RIMS2: variants seen among roughly 807,000 people sequenced by gnomAD.
RIMS2 encodes regulating synaptic membrane exocytosis protein 2.
RIMS2 carries 59 observed loss-of-function variants against 174.4 expected under a neutral mutation model. The observed-to-expected ratio is 0.34, with a 90% CI of 0.27 to 0.42. The LOEUF is 0.42. RIMS2 is among the 10% of genes least tolerant of loss of function. The probability of loss-of-function intolerance (pLI) is 1.00; values close to 1 mark genes in which losing one functional copy is unlikely to be tolerated. For missense variants in RIMS2, 1,620 were observed against 1,666.3 expected (o/e 0.97, Z 0.48); for synonymous variants, 606 against 572.5 (o/e 1.06, Z -0.84).
intron 3 of RIMS2, among the ~76,000 whole-genome samples, chr8:103,867,403 T>C (rs546710045): frequency 6.6e-6 from 1 of 151,794 alleles, no homozygotes; most frequent in Admixed American, 6.6e-5. Flanking sequence ...AAATCTATTC[T>C]GAAAACATAA....
intron 4 of RIMS2, among the ~76,000 whole-genome samples, chr8:103,906,546 T>C (rs73293861): frequency 3.2e-4 from 48 of 152,288 alleles, no homozygotes; most frequent in African/African-American, 1.1e-3. Context: ...GCACCCAGCA[T>C]ATATGACAGG....
chr8:103,828,670 A>G (rs1230204417), intron 3 of RIMS2, among the ~76,000 whole-genome samples: 1 of 150,296 alleles, frequency 6.7e-6, no homozygotes, highest in Non-Finnish European at 1.5e-5. Flanking sequence ...CTAGAATGGT[A>G]TTTCCTATTT....
At chr8:103,596,979 G>C (rs182782361) in intron 1 of RIMS2, among the ~76,000 whole-genome samples, 1 of 151,986 alleles carries the variant, frequency 6.6e-6, no homozygotes, top group Non-Finnish European at 1.5e-5. Flanking sequence ...TCAAAACAGC[G>C]CTGTTATTTC....
At chr8:103,503,912 C>T (rs1821952784) in intron 1 of RIMS2, among the ~76,000 whole-genome samples, 2 of 151,984 alleles carry the variant, frequency 1.3e-5, no homozygotes, top group African/African-American at 4.8e-5. Context: ...CCTTAGGAGC[C>T]TGAATAATTA....
At chr8:103,581,099 T>G (rs2093594213) in intron 1 of RIMS2, among the ~76,000 whole-genome samples, 1 of 152,082 alleles carries the variant, frequency 6.6e-6, no homozygotes, top group South Asian at 2.1e-4. Flanking sequence ...ATTACAGGAA[T>G]GAGCCACCAC....
At chr8:103,971,881 T>C (rs1346793646) in intron 15 of RIMS2, among the ~76,000 whole-genome samples, 1 of 152,218 alleles carries the variant, frequency 6.6e-6, no homozygotes, top group Non-Finnish European at 1.5e-5. Flanking sequence ...AGTAGTATAC[T>C]CTGACTTCCT....
chr8:103,735,070 TTTCC>T (rs2097668359), intron 2 of RIMS2, among the ~76,000 whole-genome samples: 1 of 152,178 alleles, frequency 6.6e-6, no homozygotes, highest in Non-Finnish European at 1.5e-5. Context: ...ACACTCAGTC[TTTCC>T]AACATTTGTT....
intron 1 of RIMS2, among the ~76,000 whole-genome samples, chr8:103,623,844 C>T (rs1053560156): frequency 1.3e-5 from 2 of 151,704 alleles, no homozygotes; most frequent in Non-Finnish European, 2.9e-5. Context: ...GTATCAAGTT[C>T]AGACCTCTGC....
At chr8:103,614,636 G>A (rs1279700346) in intron 1 of RIMS2, among the ~76,000 whole-genome samples, 1 of 152,344 alleles carries the variant, frequency 6.6e-6, no homozygotes, top group South Asian at 2.1e-4. Context: ...TCCAGAGCTT[G>A]TATTCTCAAA....
At position 103,915,446 on chromosome 8, in the gene RIMS2, T is replaced by C. The variant is rs778940190; in HGVS notation, c.1813-49T>C. 2.7e-6 allele frequency: 3 copies of C among 1,113,620 alleles called. No homozygotes were observed. In the South Asian group the frequency reaches 4.3e-5, roughly 16 times the overall value. 69.0% of individuals were successfully genotyped at this position (1,113,620 alleles called of 1,614,324 possible). A position where few individuals can be genotyped will look rare whatever the true frequency, so the allele number is the denominator to read the frequency against. ...ATTCTTTTACCTGAATCTTCAACCATGCTCATTTTAACAATATTCCCATGT... is the reference window on the plus strand; with the variant it reads ...ATTCTTTTACCTGAATCTTCAACCACGCTCATTTTAACAATATTCCCATGT... On this transcript the variant is annotated intron_variant, in intron 6 of 23. Coordinates refer to ENST00000504942, the Ensembl canonical transcript of RIMS2.
chr8:103,752,479 T>A (rs905712359), intron 2 of RIMS2, among the ~76,000 whole-genome samples: 4 of 152,174 alleles, frequency 2.6e-5, no homozygotes, highest in African/African-American at 9.7e-5. Flanking sequence ...TTTTTCCAAT[T>A]CTGTGAAGAA....
At chr8:103,712,662 T>A (rs1234562062) in intron 2 of RIMS2, among the ~76,000 whole-genome samples, 1 of 152,146 alleles carries the variant, frequency 6.6e-6, no homozygotes, top group Non-Finnish European at 1.5e-5. Context: ...CAGTTTAAGA[T>A]ATAAAAAATT....
At chr8:104,152,508 A>G (rs2098695916) in intron 19 of RIMS2, among the ~76,000 whole-genome samples, 1 of 152,130 alleles carries the variant, frequency 6.6e-6, no homozygotes, top group South Asian at 2.1e-4. Context: ...TATGTGTTCA[A>G]AATAAGGTTT....
At chr8:104,250,257 C>A (rs1265815121) in intron 22 of RIMS2, among the ~76,000 whole-genome samples, 1 of 152,184 alleles carries the variant, frequency 6.6e-6, no homozygotes, top group Non-Finnish European at 1.5e-5. Flanking sequence ...AGCATCTCTA[C>A]TGATTGACTT....
chr8:103,707,436 G>A (rs1415589732), intron 2 of RIMS2, among the ~76,000 whole-genome samples: 3 of 152,026 alleles, frequency 2.0e-5, no homozygotes, highest in South Asian at 2.1e-4. Context: ...AATTGTTAAG[G>A]GTACTGAGTA....
chr8:103,803,574 A>G (rs2098630157), intron 3 of RIMS2, among the ~76,000 whole-genome samples: 2 of 152,210 alleles, frequency 1.3e-5, no homozygotes, highest in East Asian at 1.9e-4. Context: ...GTTATGTACA[A>G]TGAGACTTAC....
intron 14 of RIMS2, among the ~76,000 whole-genome samples, chr8:103,948,342 G>GA (rs1354993551): frequency 6.6e-6 from 1 of 152,176 alleles, no homozygotes; most frequent in African/African-American, 2.4e-5. Context: ...CAAGAGAAAT[G>GA]AAAGTGAATG....
chr8:103,854,720 G>A (rs1429183101), intron 3 of RIMS2, among the ~76,000 whole-genome samples: 6 of 151,950 alleles, frequency 3.9e-5, no homozygotes, highest in Non-Finnish European at 8.8e-5. Flanking sequence ...AAGCCTGCTT[G>A]GTTGTGGTAT....
rs546030108 is a variant in RIMS2, at chr8:103,907,814, C to T, written c.1625-2320C>T. On this transcript the variant is annotated intron_variant, in intron 4 of 23. Coordinates refer to ENST00000504942, the Ensembl canonical transcript of RIMS2. Reference sequence around the variant, plus strand: ...AGGCTGGAGTGCAGTGGTGCGCTCCCGGCTCACTGCAAGTTCCGCCTCCCG... The same window carrying T: ...AGGCTGGAGTGCAGTGGTGCGCTCCTGGCTCACTGCAAGTTCCGCCTCCCG... 2.7e-4 allele frequency among the ~76,000 whole-genome samples: 41 copies of T among 151,626 alleles called. No individual in the cohort carries two copies. In the South Asian group the frequency reaches 3.9e-3, roughly 15 times the overall value.
Sources: gnomAD v4.1 joint callset for allele counts (sites outside exome capture counted in the v4.1 genomes callset) on GRCh38, gnomAD v4.1.1 for gene constraint, MANE v1.5 for transcripts, NCBI Gene and HGNC (gene_info 2026-07-23, HGNC 2026-07-21) for gene names.